CCDC18: variants seen among roughly 807,000 people sequenced by gnomAD.
The protein encoded by CCDC18 is coiled-coil domain-containing protein 18.
A neutral mutation model predicts 196.0 loss-of-function variants in CCDC18; 157 were observed. The observed-to-expected ratio is 0.80, with a 90% CI of 0.70 to 0.91. The LOEUF (loss-of-function observed/expected upper bound fraction) is 0.91, where lower values mean the gene tolerates loss of function less well. Ranked by LOEUF, CCDC18 falls within the 40% of genes least tolerant of loss-of-function variation. The pLI, the probability that CCDC18 is intolerant of heterozygous loss-of-function variation, is 0.00. For missense variants in CCDC18, 1,465 were observed against 1,611.6 expected (o/e 0.91, Z 1.56); for synonymous variants, 482 against 529.2 (o/e 0.91, Z 1.22).
Position 93,232,537 on chromosome 1 carries a change from CAA to C in CCDC18, c.2405_2406del (p.Gln802ArgfsTer4). On this transcript the variant is annotated frameshift_variant, in exon 18 of 29. Transcript: ENST00000690025. LOFTEE classifies it high-confidence loss of function. ...TCAGCAACAGCAGCAAATGTTACAA[CAA>C]GAGACAATTAGAAATGGAGAGCTAG... ...TLQQQQQMLQ[Q>X]ETIRNGELED... is the part of the protein sequence containing the mutation. The C allele has an allele frequency of 6.2e-7, 1 of 1,612,834 alleles. No individual in the cohort carries two copies. Among genetic ancestry groups the C allele is most frequent in the Non-Finnish European group, 8.5e-7 (1 of 1,179,176 alleles).
chr1:93,225,791 AAT>A (rs1553174418), intron 16 of CCDC18, among the ~76,000 whole-genome samples: 125 of 152,064 alleles, frequency 8.2e-4, no homozygotes, highest in African/African-American at 2.9e-3. Context: ...AAAAAAAAAA[AAT>A]CTCACTTAAG....
In CCDC18 at chr1:93,232,594, G is replaced by A. The variant is rs554682636; in HGVS notation, c.2460+1G>A. ...TACTCAAACTAAACTTGAAAAACAG[G>A]TATATATTATTAGCCCAAGATTGTT... On this transcript the variant is annotated splice_donor_variant, in intron 18 of 28. Coordinates refer to ENST00000690025, the MANE Select transcript of CCDC18 (RefSeq NM_001378204.1). LOFTEE classifies it high-confidence loss of function. 1 of 1,570,718 alleles carries A rather than the reference G, an allele frequency of 6.4e-7. No individual in the cohort carries two copies. The highest frequency in any genetic ancestry group is 2.3e-5 in the East Asian group (1 of 44,378).
At chr1:93,242,927 T>C (rs909985027) in intron 21 of CCDC18, among the ~76,000 whole-genome samples, 1 of 152,230 alleles carries the variant, frequency 6.6e-6, no homozygotes, top group Non-Finnish European at 1.5e-5. Flanking sequence ...CCCCTGTGAC[T>C]TTGTAGGCTA....
chr1:93,185,566 T>C (rs1048407185), intron 3 of CCDC18, among the ~76,000 whole-genome samples: 3 of 151,422 alleles, frequency 2.0e-5, no homozygotes, highest in Non-Finnish European at 1.5e-5. Context: ...CCAGTGTATA[T>C]TGTTCAAGTA....
In CCDC18 at chr1:93,247,088, G is replaced by A. The variant is rs968250472; in HGVS notation, c.3198+134G>A. 1.5e-4 allele frequency: 75 copies of A among 500,860 alleles called. 1 individual carries two copies. The highest frequency in any genetic ancestry group is 1.1e-3 in the Middle Eastern group (2 of 1,754). 31.0% of individuals were successfully genotyped at this position (500,860 alleles called of 1,614,324 possible). ...TTTTGTTTTTTTTGGAGACAGAGTC[G>A]TTCTCTGTCACCCAGGCTGGAGAGC... On this transcript the variant is annotated intron_variant, in intron 23 of 28. Coordinates refer to ENST00000690025, the MANE Select transcript of CCDC18 (RefSeq NM_001378204.1).
rs1466783563 is a variant in CCDC18 at position 93,256,353 on chromosome 1, C to G, written c.3361C>G (p.Gln1121Glu). The G allele has an allele frequency of 1.2e-6, 2 of 1,613,970 alleles. No individual in the cohort carries two copies. The highest frequency in any genetic ancestry group is 2.2e-5 in the South Asian group (2 of 91,068). The change falls in exon 25 of 29, where the codon CAG becomes GAG. Residue 1121 changes from glutamine to glutamate, a missense_variant. Coordinates refer to ENST00000690025, the MANE Select transcript of CCDC18 (RefSeq NM_001378204.1). ...TTTTCAGGTTATGAAAGAGCAAGAA[C>G]AGTACATTGCCACTCAGTACAAGGA... ...EMESVMKEQE[Q>E]YIATQYKEAI...
At chr1:93,237,833 A>G (rs886530862) in intron 19 of CCDC18, among the ~76,000 whole-genome samples, 14 of 152,136 alleles carry the variant, frequency 9.2e-5, no homozygotes, top group African/African-American at 3.1e-4. Context: ...TCTGTACTCT[A>G]GTGATCCTGA....
intron 14 of CCDC18, among the ~76,000 whole-genome samples, chr1:93,220,360 G>C (rs1237886562): frequency 1.3e-5 from 2 of 152,076 alleles, no homozygotes; most frequent in African/African-American, 4.8e-5. Flanking sequence ...GTCACCAGCA[G>C]ACTTGTTCTA....
chr1:93,256,463 G>GC lies in CCDC18; in HGVS notation c.3472dup (p.Gln1158ProfsTer13). The GC allele has an allele frequency of 6.2e-7, 1 of 1,614,082 alleles. No homozygotes were observed. On this transcript the variant is annotated frameshift_variant, in exon 25 of 29. Coordinates refer to ENST00000690025, the MANE Select transcript of CCDC18 (RefSeq NM_001378204.1). LOFTEE classifies it high-confidence loss of function. ...CAGAATTGGCAGAGGCTCGTCATCA[G>GC]CAAGTCCAAGCACAGAGAGAAATAG...
chr1:93,204,672 C>A (rs1326015868), intron 7 of CCDC18, among the ~76,000 whole-genome samples: 1 of 152,020 alleles, frequency 6.6e-6, no homozygotes, highest in Non-Finnish European at 1.5e-5. Flanking sequence ...ACAAAGTGGT[C>A]ATTCCTTTGC....
At chr1:93,200,349 A>AG (rs1653621377) in intron 6 of CCDC18, among the ~76,000 whole-genome samples, 2 of 151,176 alleles carry the variant, frequency 1.3e-5, no homozygotes, top group Non-Finnish European at 1.5e-5. Flanking sequence ...AAAAAAAAAA[A>AG]GCGAGAACAG....
Position 93,186,495 on chromosome 1 carries a change from A to G in CCDC18, c.454A>G (p.Arg152Gly), listed in dbSNP as rs1160492706. 1.3e-6 allele frequency: 2 copies of G among 1,596,052 alleles called. No individual in the cohort carries two copies. The highest frequency in any genetic ancestry group is 3.5e-5 in the Admixed American group (2 of 56,544). Residue 152 changes from arginine to glycine, a missense_variant, in exon 4 of 29, where the codon AGA becomes GGA. Transcript: ENST00000690025. ...ESIHFELTQSRAKVSMLESAQ... is the reference protein window; with the variant it reads ...ESIHFELTQSGAKVSMLESAQ... ...TATTCACTTTGAATTAACACAGTCA[A>G]GAGCAAAAGTATGTATCTTGAAATA... is the stretch of plus-strand genomic sequence containing the variant.
intron 26 of CCDC18, among the ~76,000 whole-genome samples, chr1:93,263,755 C>T (rs915446019): frequency 6.6e-6 from 1 of 152,232 alleles, no homozygotes; most frequent in Non-Finnish European, 1.5e-5. Context: ...GTCACTTCCA[C>T]ATTTTCAGGT....
chr1:93,266,145 C>T (rs1465115494), intron 27 of CCDC18, among the ~76,000 whole-genome samples: 1 of 152,212 alleles, frequency 6.6e-6, no homozygotes, highest in Non-Finnish European at 1.5e-5. Context: ...GAAACTCACT[C>T]AGAACCACAC....
intron 27 of CCDC18, among the ~76,000 whole-genome samples, chr1:93,267,432 T>G (rs942373764): frequency 4.6e-5 from 7 of 152,138 alleles, no homozygotes; most frequent in African/African-American, 1.7e-4. Flanking sequence ...GTGTTGGAAG[T>G]TCTGGCCAGG....
intron 9 of CCDC18, 86 bp downstream of exon 9, chr1:93,207,484 G>A (rs1356917163): frequency 4.5e-5 from 43 of 961,770 alleles, no homozygotes; most frequent in Non-Finnish European, 6.2e-5. Context: ...TGCTTTATTA[G>A]CTTCTAATTT....
chr1:93,236,401 A>C lies in CCDC18; in HGVS notation c.2603+11A>C. 6.3e-7 allele frequency: 1 copy of C among 1,583,788 alleles called. No homozygotes were observed. Among genetic ancestry groups the C allele is most frequent in the Non-Finnish European group, 8.5e-7 (1 of 1,170,358 alleles). On this transcript the variant is annotated intron_variant, in intron 19 of 28. Transcript: ENST00000690025. The stretch of plus-strand genomic sequence containing the variant: ...TACTGGCACTGCCAGGTAAAATGTG[A>C]ATATGTTTTATTTACCTTCCCACTT...
In CCDC18 at chr1:93,197,745, C is replaced by CTTT. The variant is rs71094240; in HGVS notation, c.698+4023_698+4025dup. On this transcript the variant is annotated intron_variant, in intron 6 of 28. Transcript: ENST00000690025. Reference sequence around the variant, plus strand: ...AACTCTCCTGCATTTCTTTTCTTTTCTTTTTTTTTTTTTTTTTTTTTTTTG... The same window carrying CTTT: ...AACTCTCCTGCATTTCTTTTCTTTTCTTTTTTTTTTTTTTTTTTTTTTTTTTTG... 9.9e-3 allele frequency among the ~76,000 whole-genome samples: 746 copies of CTTT among 75,208 alleles called. 1 individual carries two copies. The highest frequency in any genetic ancestry group is 0.013 in the East Asian group (29 of 2,268). The allele number at this position is 75,208 out of a possible 152,430, so 49.3% of individuals were successfully genotyped here.
At chr1:93,266,493 A>T (rs1053149596) in intron 27 of CCDC18, among the ~76,000 whole-genome samples, 5 of 152,200 alleles carry the variant, frequency 3.3e-5, no homozygotes, top group African/African-American at 1.2e-4. Context: ...CAAAAAATCA[A>T]TGAATCCAGG....
Sources: gnomAD v4.1 joint callset for allele counts (sites outside exome capture counted in the v4.1 genomes callset) on GRCh38, gnomAD v4.1.1 for gene constraint, MANE v1.5 for transcripts, NCBI Gene and HGNC (gene_info 2026-07-23, HGNC 2026-07-21) for gene names.